CSMD1: variants seen among roughly 807,000 people sequenced by gnomAD.
CSMD1 encodes CUB and sushi domain-containing protein 1.
Under a neutral mutation model 417.5 loss-of-function variants are expected in CSMD1, and 213 were observed. That is an observed-to-expected ratio of 0.51 (90% CI 0.46 to 0.57). The LOEUF (loss-of-function observed/expected upper bound fraction) is 0.57. Among genes scored for constraint, CSMD1 ranks in the 20% least tolerant of loss-of-function variants. The pLI is 0.00. For synonymous variants in CSMD1, 2,862 were observed against 1,736.8 expected, an observed-to-expected ratio of 1.65 and a Z score of -16.11; for missense variants, 6,923 against 4,529.7, an observed-to-expected ratio of 1.53 and a Z score of -15.17.
chr8:3,049,867 C>T (rs562418785), intron 50 of CSMD1, among the ~76,000 whole-genome samples: 15 of 152,090 alleles, frequency 9.9e-5, no homozygotes, highest in African/African-American at 2.9e-4. Context: ...ATGTTGCGGA[C>T]GGTGTGTTTT....
Position 4,806,936 on chromosome 8 carries a change from C to G in CSMD1, c.86-169378G>C, listed in dbSNP as rs546987427. Among the ~76,000 whole-genome samples the G allele has an allele frequency of 3.3e-5, 5 of 152,226 alleles. No individual in the cohort carries two copies. The South Asian group carries it at 1.0e-3, about 32-fold the overall frequency. On this transcript the variant is annotated intron_variant, in intron 1 of 69. Coordinates refer to ENST00000635120, the MANE Select transcript of CSMD1 (RefSeq NM_033225.6). ...ACAGATGCATGCCTGCGCTCTTAAG[C>G]TATTATTTATGTTCAATTCTATGTG...
At chr8:3,602,409 A>T (rs138232616) in intron 8 of CSMD1, among the ~76,000 whole-genome samples, 1 of 152,296 alleles carries the variant, frequency 6.6e-6, no homozygotes, top group Non-Finnish European at 1.5e-5. Context: ...GAGATTTTAA[A>T]GGAATTAGAA....
chr8:4,904,568 A>G (rs1322127644), intron 1 of CSMD1, among the ~76,000 whole-genome samples: 1 of 152,138 alleles, frequency 6.6e-6, no homozygotes, highest in Non-Finnish European at 1.5e-5. Context: ...ACAGAATATC[A>G]TTAAACACAT....
intron 10 of CSMD1, among the ~76,000 whole-genome samples, chr8:3,507,234 AT>A (rs140136293): frequency 2.0e-5 from 3 of 151,754 alleles, no homozygotes; most frequent in Non-Finnish European, 4.4e-5. Flanking sequence ...CCTATACAAT[AT>A]TTTTTTTGTA....
chr8:4,725,741 T>G lies in CSMD1; in HGVS notation c.86-88183A>C, dbSNP rs75118679. Among the ~76,000 whole-genome samples the G allele has an allele frequency of 9.2e-5, 14 of 152,292 alleles. No homozygotes were observed. In the East Asian group the frequency reaches 2.7e-3, roughly 29 times the overall value. On this transcript the variant is annotated intron_variant, in intron 1 of 69. Transcript: ENST00000635120. Reference sequence around the variant, plus strand: ...CAGATAACAGAGAAACAATTTGCTGTGCTTATTTAGTAGCTGGTACCTTGA... The same window carrying G: ...CAGATAACAGAGAAACAATTTGCTGGGCTTATTTAGTAGCTGGTACCTTGA...
intron 3 of CSMD1, among the ~76,000 whole-genome samples, chr8:4,041,902 T>G (rs889361543): frequency 2.6e-5 from 4 of 152,146 alleles, no homozygotes; most frequent in Non-Finnish European, 5.9e-5. Flanking sequence ...AGAATAGATA[T>G]AGCAGAAGGT....
chr8:4,210,410 G>A (rs529379907), intron 3 of CSMD1, among the ~76,000 whole-genome samples: 3 of 152,278 alleles, frequency 2.0e-5, no homozygotes, highest in Middle Eastern at 3.4e-3. Flanking sequence ...AGTGGAAACT[G>A]GTGGGTTATA....
chr8:4,653,443 G>A (rs1804033607), intron 1 of CSMD1, among the ~76,000 whole-genome samples: 1 of 152,072 alleles, frequency 6.6e-6, no homozygotes, highest in Admixed American at 6.6e-5. Flanking sequence ...TGTCTGTCAT[G>A]TTATTTTCCT....
intron 2 of CSMD1, among the ~76,000 whole-genome samples, chr8:4,429,302 G>A (rs965205027): frequency 1.3e-5 from 2 of 151,866 alleles, no homozygotes; most frequent in African/African-American, 2.4e-5. Flanking sequence ...CATCAATTTT[G>A]CTTCACTGCT....
chr8:4,519,566 C>T lies in CSMD1; in HGVS notation c.303-99501G>A, dbSNP rs184517392. On this transcript the variant is annotated intron_variant, in intron 2 of 69. Transcript: ENST00000635120. ...ACTAGCCTGGACAACATGGTGAAAC[C>T]CCGTCTCTACTAAAAACACCAAAAT... is the stretch of plus-strand genomic sequence containing the variant. Among the ~76,000 whole-genome samples the T allele has an allele frequency of 2.2e-3, 333 of 150,860 alleles. 1 individual carries two copies. Among genetic ancestry groups the T allele is most frequent in the African/African-American group, 7.8e-3 (321 of 41,068 alleles).
intron 3 of CSMD1, among the ~76,000 whole-genome samples, chr8:4,359,319 A>AG (rs1380936592): frequency 6.6e-6 from 1 of 152,244 alleles, no homozygotes; most frequent in African/African-American, 2.4e-5. Context: ...ATTATTGTGC[A>AG]GGGGCCAAAT....
At position 4,913,485 on chromosome 8, in the gene CSMD1, G is replaced by C. The variant is rs78832970; in HGVS notation, c.85+80847C>G. ...CCATTGTCCATCAGCATCAAATAGAGAATGAAAACTACCCCCATATGTCTT... is the reference window on the plus strand; with the variant it reads ...CCATTGTCCATCAGCATCAAATAGACAATGAAAACTACCCCCATATGTCTT... On this transcript the variant is annotated intron_variant, in intron 1 of 69. Coordinates refer to ENST00000635120, the MANE Select transcript of CSMD1 (RefSeq NM_033225.6). 3.1e-3 allele frequency among the ~76,000 whole-genome samples: 478 copies of C among 152,162 alleles called. 4 individuals carry two copies. The highest frequency in any genetic ancestry group is 0.011 in the African/African-American group (453 of 41,530).
At chr8:4,361,508 G>A (rs1412739491) in intron 3 of CSMD1, among the ~76,000 whole-genome samples, 4 of 152,210 alleles carry the variant, frequency 2.6e-5, no homozygotes, top group East Asian at 3.9e-4. Context: ...AGAAGACGGA[G>A]GCCTGCAAGA....
At chr8:3,699,310 T>C (rs1366570329) in intron 7 of CSMD1, among the ~76,000 whole-genome samples, 2 of 152,228 alleles carry the variant, frequency 1.3e-5, no homozygotes, top group Admixed American at 1.3e-4. Context: ...TTCCATGCAG[T>C]GGATATCATG....
At chr8:3,429,216 C>T (rs751971719) in intron 12 of CSMD1, among the ~76,000 whole-genome samples, 4 of 139,482 alleles carry the variant, frequency 2.9e-5, no homozygotes, top group Non-Finnish European at 5.1e-5. Context: ...AAACGCTGAA[C>T]GTTGGAGATG....
At chr8:4,154,923 G>C (rs549606004) in intron 3 of CSMD1, among the ~76,000 whole-genome samples, 4 of 152,286 alleles carry the variant, frequency 2.6e-5, no homozygotes, top group Admixed American at 2.0e-4. Flanking sequence ...TAAATTCCAA[G>C]TCTATTGACA....
rs1443220234 is a variant in CSMD1, at chr8:3,284,285, G to A, written c.4012C>T (p.Pro1338Ser). 9 of 1,613,944 alleles carry A rather than the reference G, an allele frequency of 5.6e-6. No individual in the cohort carries two copies. Among genetic ancestry groups the A allele is most frequent in the Non-Finnish European group, 6.8e-6 (8 of 1,179,872 alleles). Residue 1338 changes from proline to serine, a missense_variant, in exon 26 of 70, where the codon CCG becomes TCG. Transcript: ENST00000635120. ...AHDILKVWDGPVDSDILLKEW... is the reference protein window; with the variant it reads ...AHDILKVWDGSVDSDILLKEW... Reference sequence around the variant, plus strand: ...TTCAGCAGGATGTCACTGTCCACCGGCCCGTCCCAGACCTTGAGGATGTCG... The same window carrying A: ...TTCAGCAGGATGTCACTGTCCACCGACCCGTCCCAGACCTTGAGGATGTCG...
intron 3 of CSMD1, among the ~76,000 whole-genome samples, chr8:4,278,172 A>T (rs1332561524): frequency 6.6e-6 from 1 of 152,210 alleles, no homozygotes; most frequent in African/African-American, 2.4e-5. Context: ...ATTTCAGACT[A>T]CATTCACAAT....
chr8:4,285,617 T>C (rs1404798634), intron 3 of CSMD1, among the ~76,000 whole-genome samples: 1 of 152,210 alleles, frequency 6.6e-6, no homozygotes, highest in Non-Finnish European at 1.5e-5. Flanking sequence ...TTCCTGAGCA[T>C]TGCCCTAAAT....
Sources: allele counts gnomAD v4.1 joint callset (sites outside exome capture counted in the v4.1 genomes callset), GRCh38; gene constraint gnomAD v4.1.1; transcripts MANE v1.5; gene names NCBI Gene and HGNC (gene_info 2026-07-23, HGNC 2026-07-21).